Variants in TSFM observed in about 807,000 individuals in gnomAD.
TSFM encodes the protein elongation factor Ts, mitochondrial.
In TSFM, 29 loss-of-function variants were observed where a neutral mutation model predicts 33.4. The observed-to-expected ratio is 0.87, with a 90% confidence interval of 0.65 to 1.18. The LOEUF is 1.18. Among genes scored for constraint, TSFM ranks in the 50% most tolerant of loss-of-function variants. The pLI is 0.00. For synonymous variants in TSFM, 178 were observed against 163.5 expected, an observed-to-expected ratio of 1.09 and a Z score of -0.68; for missense variants, 394 against 395.6, an observed-to-expected ratio of 1.00 and a Z score of 0.04.
At chr12:57,786,357 C>A in intron 3 of TSFM, 66 bp downstream of exon 3, 4 of 1,511,104 alleles carry the variant, frequency 2.6e-6, no homozygotes, top group East Asian at 2.3e-5. Flanking sequence ...TGTAGTAGGC[C>A]CTAAAGGGGC....
intron 4 of TSFM, among the ~76,000 whole-genome samples, chr12:57,789,198 A>G (rs976970227): frequency 2.6e-5 from 4 of 152,092 alleles, no homozygotes; most frequent in African/African-American, 9.7e-5. Flanking sequence ...TCCTGACCTC[A>G]GGTGATCTGC....
intron 5 of TSFM, among the ~76,000 whole-genome samples, chr12:57,795,142 C>T (rs541904271): frequency 8.7e-5 from 13 of 150,154 alleles, no homozygotes; most frequent in Admixed American, 2.7e-4. Flanking sequence ...TCTTGTTGCC[C>T]AGGCTGGAGT....
At chr12:57,801,633 G>C (rs1048480463), downstream of TSFM, among the ~76,000 whole-genome samples, 3 of 152,148 alleles carry the variant, frequency 2.0e-5, no homozygotes, top group Admixed American at 6.5e-5. Flanking sequence ...CCAGCTACTT[G>C]GGAGGCTGAG....
chr12:57,789,486 C>T (rs181605211), intron 4 of TSFM, among the ~76,000 whole-genome samples: 20 of 152,288 alleles, frequency 1.3e-4, no homozygotes, highest in African/African-American at 4.6e-4. Flanking sequence ...GCTTCAGCCT[C>T]CTGAGTAGCT....
At chr12:57,786,048 C>G in intron 2 of TSFM, 115 bp from the exon 3 acceptor site, 1 of 1,284,480 alleles carries the variant, frequency 7.8e-7, no homozygotes. Context: ...TGATAGATTA[C>G]TTTAGTTTCT....
Position 57,796,544 on chromosome 12 carries a change from T to C in TSFM, c.939T>C (p.Phe313=). The C allele has an allele frequency of 6.8e-7, 1 of 1,461,304 alleles. No homozygotes were observed. Among genetic ancestry groups the C allele is most frequent in the South Asian group, 1.6e-5 (1 of 61,054 alleles). The allele number at this position is 1,461,304 out of a possible 1,614,324, so 90.5% of individuals were successfully genotyped here. ...TGTCGGTAGTAGACTTTGTGCGGTT[T>C]GAATGTGGAGAAGGTGAAGAGGCAG... ...QGVSVVDFVR[F]ECGEGEEAAE... is the part of the protein sequence containing the mutation. The change falls in exon 6 of 6, where the codon TTT becomes TTC. Residue 313 remains phenylalanine, a synonymous_variant. Transcript: ENST00000652027.
intron 1 of TSFM, 88 bp from the exon 2 acceptor site, chr12:57,783,022 C>A: frequency 6.6e-7 from 1 of 1,519,790 alleles, no homozygotes; most frequent in Non-Finnish European, 8.9e-7. Flanking sequence ...ACACTGTCCG[C>A]TCCCTAAGGT....
chr12:57,783,967 C>T (rs1327419193), intron 2 of TSFM: 1 of 702,726 alleles, frequency 1.4e-6, no homozygotes, highest in Non-Finnish European at 2.6e-6. Flanking sequence ...CCTGTACGGT[C>T]ATGCGTCTCT....
At chr12:57,787,322 C>T (rs1955604322) in intron 4 of TSFM, among the ~76,000 whole-genome samples, 160 bp downstream of exon 4, 1 of 152,128 alleles carries the variant, frequency 6.6e-6, no homozygotes, top group Non-Finnish European at 1.5e-5. Context: ...TTGCTATATC[C>T]CCGTGTCATG....
At chr12:57,802,540 A>C, downstream of TSFM, 1 of 762,812 alleles carries the variant, frequency 1.3e-6, no homozygotes, top group Non-Finnish European at 2.3e-6. Context: ...TTTAATTGCT[A>C]TGTGTATCTT....
In TSFM at chr12:57,788,278, T is replaced by TA. The variant is rs397711660; in HGVS notation, c.483+1117dup. On this transcript the variant is annotated intron_variant, in intron 4 of 5. Coordinates refer to ENST00000652027, the MANE Select transcript of TSFM (RefSeq NM_005726.6). ...AACACCAGTGTACCCTTTTTTTTTT[T>TA]ATTTTTGTTTTTGTTTTTTGAGATG... Among the ~76,000 whole-genome samples the TA allele has an allele frequency of 2.0e-5, 3 of 151,856 alleles. No homozygotes were observed. The South Asian group carries it at 6.3e-4, about 32-fold the overall frequency.
rs748499502 is a variant in TSFM at position 57,797,306 on chromosome 12, T to C, written c.*723T>C. 41 of 985,282 alleles carry C rather than the reference T, an allele frequency of 4.2e-5. No individual in the cohort carries two copies. The highest frequency in any genetic ancestry group is 4.9e-5 in the Non-Finnish European group (41 of 829,936). 61.0% of individuals were successfully genotyped at this position (985,282 alleles called of 1,614,324 possible). On this transcript the variant is annotated 3_prime_UTR_variant, in exon 6 of 6. Transcript: ENST00000652027. ...CATTGCCTCTTTACTTCCCCAGTACTGAAACATTTCTTCAAGTATAACATA... is the reference window on the plus strand; with the variant it reads ...CATTGCCTCTTTACTTCCCCAGTACCGAAACATTTCTTCAAGTATAACATA...
chr12:57,802,342 A>G (rs1330372824), downstream of TSFM: 4 of 1,610,840 alleles, frequency 2.5e-6, no homozygotes, highest in African/African-American at 4.0e-5. Context: ...CCAATCCACA[A>G]GAACACCTGT....
chr12:57,783,662 T>A (rs530112418), intron 2 of TSFM: 1 of 585,466 alleles, frequency 1.7e-6, no homozygotes, highest in Admixed American at 2.2e-5. Context: ...GGCACGATGT[T>A]GGCTCACTGC....
At chr12:57,783,842 C>T in intron 2 of TSFM, 1 of 648,720 alleles carries the variant, frequency 1.5e-6, no homozygotes, top group South Asian at 1.7e-5. Flanking sequence ...TCTCGAACTC[C>T]TGGCCTCAGG....
chr12:57,796,737 A>AAT lies in TSFM; in HGVS notation c.*156_*157dup, dbSNP rs1183945238. On this transcript the variant is annotated 3_prime_UTR_variant, in exon 6 of 6. Transcript: ENST00000652027. Reference sequence around the variant, plus strand: ...AAAATAATTTTTTCCTTGTTTGCGTAATACTGGATTTAGCTTTTCTGTGCC... The same window carrying AAT: ...AAAATAATTTTTTCCTTGTTTGCGTAATATACTGGATTTAGCTTTTCTGTGCC... The AAT allele has an allele frequency of 2.4e-5, 30 of 1,234,306 alleles. No individual in the cohort carries two copies. Among genetic ancestry groups the AAT allele is most frequent in the Middle Eastern group, 6.2e-4 (2 of 3,238 alleles). The allele number at this position is 1,234,306 out of a possible 1,614,324, so 76.5% of individuals were successfully genotyped here. A position where few individuals can be genotyped will look rare whatever the true frequency, so the allele number is the denominator to read the frequency against.
chr12:57,794,406 C>T (rs1955703511), intron 5 of TSFM, among the ~76,000 whole-genome samples: 1 of 152,184 alleles, frequency 6.6e-6, no homozygotes, highest in Non-Finnish European at 1.5e-5. Context: ...GAATAACATC[C>T]TGAGAGAAAG....
rs1325330123 is a variant in TSFM, at chr12:57,796,351, T to G, written c.746T>G (p.Leu249Arg). 6.2e-7 allele frequency: 1 copy of G among 1,605,988 alleles called. No homozygotes were observed. The highest frequency in any genetic ancestry group is 1.7e-5 in the Admixed American group (1 of 58,366). ...ICETSEQKTN[L>R]EDVGRRLGQH... ...GAGACGTCTGAACAGAAAACAAACC[T>G]TGAAGACGTTGGCCGCCGCCTTGGG... The change falls in exon 6 of 6, where the codon CTT becomes CGT. Residue 249 changes from leucine to arginine, a missense_variant. This residue lies in a region of TSFM where 186 missense variants were observed against 198.8 expected (regional missense o/e 0.94). Coordinates refer to ENST00000652027, the MANE Select transcript of TSFM (RefSeq NM_005726.6).
Position 57,797,319 on chromosome 12 carries a change from C to T in TSFM, c.*736C>T. The T allele has an allele frequency of 1.0e-6, 1 of 985,350 alleles. No homozygotes were observed. The highest frequency in any genetic ancestry group is 1.2e-6 in the Non-Finnish European group (1 of 829,922). The allele number at this position is 985,350 out of a possible 1,614,324, so 61.0% of individuals were successfully genotyped here. A position where few individuals can be genotyped will look rare whatever the true frequency, so the allele number is the denominator to read the frequency against. ...CTTCCCCAGTACTGAAACATTTCTT[C>T]AAGTATAACATAAAATTACCGTAAC... On this transcript the variant is annotated 3_prime_UTR_variant, in exon 6 of 6. Transcript: ENST00000652027.
Sources: allele counts gnomAD v4.1 joint callset (sites outside exome capture counted in the v4.1 genomes callset), GRCh38; gene constraint gnomAD v4.1.1; regional missense constraint gnomAD v4.1.1; transcripts MANE v1.5; gene names NCBI Gene and HGNC (gene_info 2026-07-23, HGNC 2026-07-21).